LDB2: variants seen among roughly 807,000 people sequenced by gnomAD.
LDB2 encodes the protein LIM domain binding 2, also known as LIM domain-binding protein 2.
A neutral mutation model predicts 44.3 loss-of-function variants in LDB2; 12 were observed. The ratio of observed to expected loss-of-function variants is 0.27; its 90% CI spans 0.17 to 0.44. The LOEUF (loss-of-function observed/expected upper bound fraction) is 0.44, where lower values mean the gene tolerates loss of function less well. LDB2 is among the 20% of genes least tolerant of loss of function. The pLI is 1.00. For synonymous variants in LDB2, 164 were observed against 174.8 expected (o/e 0.94, Z 0.49); for missense variants, 344 against 473.5 (o/e 0.73, Z 2.54).
intron 2 of LDB2, among the ~76,000 whole-genome samples, chr4:16,743,494 A>T (rs1339493562): frequency 6.6e-6 from 1 of 152,118 alleles, no homozygotes; most frequent in Non-Finnish European, 1.5e-5. Context: ...CTGCAATTAA[A>T]GTCCCTAATC....
intron 1 of LDB2, among the ~76,000 whole-genome samples, chr4:16,773,782 T>C (rs1416396307): frequency 1.3e-5 from 2 of 151,996 alleles, no homozygotes; most frequent in Non-Finnish European, 2.9e-5. Flanking sequence ...TCACCCAGGC[T>C]AGAGTGCAGT....
intron 5 of LDB2, among the ~76,000 whole-genome samples, chr4:16,523,264 A>G (rs895370468): frequency 2.0e-5 from 3 of 152,164 alleles, no homozygotes; most frequent in African/African-American, 7.2e-5. Context: ...TTTAACCTAT[A>G]TGTAGATACC....
intron 2 of LDB2, among the ~76,000 whole-genome samples, chr4:16,608,637 T>C (rs1724654591): frequency 6.6e-6 from 1 of 152,180 alleles, no homozygotes; most frequent in South Asian, 2.1e-4. Context: ...TCTCATAGGT[T>C]AAAACACACA....
At chr4:16,574,333 A>G (rs1747617136) in intron 5 of LDB2, among the ~76,000 whole-genome samples, 1 of 152,214 alleles carries the variant, frequency 6.6e-6, no homozygotes, top group Non-Finnish European at 1.5e-5. Context: ...ATGATTATAC[A>G]TATGTGATAA....
At chr4:16,586,645 G>T (rs1717096892) in intron 4 of LDB2, among the ~76,000 whole-genome samples, 1 of 152,074 alleles carries the variant, frequency 6.6e-6, no homozygotes, top group Non-Finnish European at 1.5e-5. Flanking sequence ...AGGACTGTAA[G>T]AGTAAGTATC....
intron 2 of LDB2, among the ~76,000 whole-genome samples, chr4:16,722,506 G>C (rs1758488654): frequency 6.6e-6 from 1 of 152,124 alleles, no homozygotes; most frequent in Non-Finnish European, 1.5e-5. Flanking sequence ...TAAAGGGCTA[G>C]CCTCAGAAGG....
At chr4:16,524,779 T>C (rs1472280803) in intron 5 of LDB2, among the ~76,000 whole-genome samples, 2 of 152,172 alleles carry the variant, frequency 1.3e-5, no homozygotes, top group Non-Finnish European at 2.9e-5. Flanking sequence ...TTTTGATGTG[T>C]TTGGTGAAAC....
At chr4:16,816,775 C>A (rs1481792331) in intron 1 of LDB2, among the ~76,000 whole-genome samples, 1 of 152,148 alleles carries the variant, frequency 6.6e-6, no homozygotes, top group Admixed American at 6.5e-5. Flanking sequence ...TCCTTCACAA[C>A]AAGAAGGGCA....
intron 5 of LDB2, among the ~76,000 whole-genome samples, chr4:16,543,645 T>TA (rs1461304110): frequency 6.6e-6 from 1 of 152,160 alleles, no homozygotes; most frequent in Non-Finnish European, 1.5e-5. Context: ...ATGTTAGACC[T>TA]AAAACCATAA....
chr4:16,696,631 T>A (rs1026146516), intron 2 of LDB2, among the ~76,000 whole-genome samples: 2 of 152,176 alleles, frequency 1.3e-5, no homozygotes, highest in Non-Finnish European at 2.9e-5. Flanking sequence ...CTCTCTATTG[T>A]AAACTGGTCA....
chr4:16,767,874 T>G (rs1579480349), intron 1 of LDB2, among the ~76,000 whole-genome samples: 3 of 152,206 alleles, frequency 2.0e-5, no homozygotes, highest in Non-Finnish European at 4.4e-5. Flanking sequence ...TATATCAGGA[T>G]GAGACACACA....
chr4:16,846,618 T>C (rs1056591114), intron 1 of LDB2, among the ~76,000 whole-genome samples: 1 of 152,162 alleles, frequency 6.6e-6, no homozygotes, highest in African/African-American at 2.4e-5. Flanking sequence ...TTTGGAAACA[T>C]TTATATGTTA....
At chr4:16,744,146 G>GGTTTGTTTGTTT (rs143933539) in intron 2 of LDB2, among the ~76,000 whole-genome samples, 79 of 151,860 alleles carry the variant, frequency 5.2e-4, no homozygotes, top group African/African-American at 1.8e-3. Flanking sequence ...AGACTCATGT[G>GGTTTGTTTGTTT]GTTTGTTTGT....
intron 2 of LDB2, among the ~76,000 whole-genome samples, chr4:16,751,378 T>TTA (rs1489136837): frequency 3.3e-5 from 5 of 152,228 alleles, no homozygotes; most frequent in Non-Finnish European, 5.9e-5. Flanking sequence ...TTTCTGTCCA[T>TTA]TATCTCATGC....
At chr4:16,652,626 G>A (rs537136821) in intron 2 of LDB2, among the ~76,000 whole-genome samples, 2 of 152,262 alleles carry the variant, frequency 1.3e-5, no homozygotes, top group East Asian at 1.9e-4. Flanking sequence ...GCTAGACATC[G>A]GGTACCACTT....
intron 2 of LDB2, among the ~76,000 whole-genome samples, chr4:16,658,634 G>A (rs1291047513): frequency 6.6e-6 from 1 of 152,064 alleles, no homozygotes; most frequent in East Asian, 1.9e-4. Flanking sequence ...ATGTTCAAAA[G>A]CACATTTCAG....
intron 1 of LDB2, among the ~76,000 whole-genome samples, chr4:16,876,037 G>T (rs1379913598): frequency 1.3e-5 from 2 of 152,218 alleles, no homozygotes; most frequent in Non-Finnish European, 2.9e-5. Context: ...CTGGGGCCAT[G>T]TCCCATGTCC....
chr4:16,674,504 G>A (rs569569269), intron 2 of LDB2, among the ~76,000 whole-genome samples: 94 of 152,258 alleles, frequency 6.2e-4, no homozygotes, highest in African/African-American at 2.1e-3. Context: ...CTTATTATAA[G>A]TTCATTTCTG....
intron 2 of LDB2, among the ~76,000 whole-genome samples, chr4:16,609,793 T>C (rs1560621951): frequency 1.3e-5 from 2 of 152,126 alleles, no homozygotes; most frequent in Non-Finnish European, 2.9e-5. Context: ...TTCTGAGGAA[T>C]CTGGATAGCA....
Sources: allele counts gnomAD v4.1 joint callset (sites outside exome capture counted in the v4.1 genomes callset), GRCh38; gene constraint gnomAD v4.1.1; transcripts MANE v1.5; gene names NCBI Gene and HGNC (gene_info 2026-07-23, HGNC 2026-07-21).